Variants in IL12RB1 observed in about 807,000 individuals in gnomAD.
IL12RB1 encodes interleukin-12 receptor subunit beta-1.
A neutral mutation model predicts 94.4 loss-of-function variants in IL12RB1; 64 were observed. The observed-to-expected ratio is 0.68, with a 90% CI of 0.55 to 0.83. The LOEUF is 0.83. Among genes scored for constraint, IL12RB1 ranks in the 40% least tolerant of loss-of-function variants. The probability of loss-of-function intolerance (pLI) is 0.00; values close to 1 mark genes in which losing one functional copy is unlikely to be tolerated. For synonymous variants in IL12RB1, 362 were observed against 355.5 expected (o/e 1.02, Z -0.21); for missense variants, 814 against 855.6 (o/e 0.95, Z 0.61).
intron 1 of IL12RB1, among the ~76,000 whole-genome samples, chr19:18,097,992 G>C (rs1355405154): frequency 6.6e-6 from 1 of 152,156 alleles, no homozygotes; most frequent in Non-Finnish European, 1.5e-5. Context: ...GCTTCTCAAA[G>C]TGCTTTTTCT....
Position 18,061,132 on chromosome 19 carries a change from C to A in IL12RB1, c.1781G>T (p.Gly594Val), listed in dbSNP as rs370238890. 3 of 1,584,788 alleles carry A rather than the reference C, an allele frequency of 1.9e-6. No individual in the cohort carries two copies. Among genetic ancestry groups the A allele is most frequent in the East Asian group, 4.5e-5 (2 of 44,498 alleles). The change falls in exon 15 of 17, where the codon GGA becomes GTA. Residue 594 changes from glycine to valine, a missense_variant. Physicochemically the swap from Gly to Val is moderately radical, Grantham distance 109. Coordinates refer to ENST00000593993, the MANE Select transcript of IL12RB1 (RefSeq NM_005535.3). Reference protein sequence around the residue: ...PCASSAIEFPGGKETWQWINP... With the variant: ...PCASSAIEFPVGKETWQWINP... ...AAAAGGCATCCTTACCTCCTTCCCT[C>A]CAGGGAACTCAATGGCGGAGCTGGC...
At chr19:18,062,386 C>T in intron 13 of IL12RB1, 109 bp from the exon 14 acceptor site, 1 of 648,244 alleles carries the variant, frequency 1.5e-6, no homozygotes, top group Non-Finnish European at 2.7e-6. Flanking sequence ...TCCTGGTGCA[C>T]ATGCCACGGG....
At chr19:18,067,988 G>A (rs2034712959) in intron 11 of IL12RB1, among the ~76,000 whole-genome samples, 2 of 146,844 alleles carry the variant, frequency 1.4e-5, no homozygotes, top group South Asian at 2.2e-4. Flanking sequence ...ACAGGGGTGA[G>A]CCATTCTGTC....
At chr19:18,080,038 C>A (rs1179035385) in intron 4 of IL12RB1, among the ~76,000 whole-genome samples, 1 of 151,886 alleles carries the variant, frequency 6.6e-6, no homozygotes, top group Admixed American at 6.6e-5. Flanking sequence ...TTCCTTCATT[C>A]TTTTCTTTTC....
At position 18,075,769 on chromosome 19, in the gene IL12RB1, C is replaced by T; in HGVS notation, c.680G>A (p.Ser227Asn). Residue 227 changes from serine to asparagine, a missense_variant, in exon 7 of 17, where the codon AGC becomes AAC. Ser to Asn is a conservative substitution (Grantham distance 46, BLOSUM62 1). Transcript: ENST00000593993. ...SQGSSWSKWS[S>N]PVCVPPENPP... is the part of the protein sequence containing the mutation. The stretch of plus-strand genomic sequence containing the variant: ...CTTACCAGGGGGAACGCACACGGGG[C>T]TGCTCCACTTGCTCCAGGAACTTCC... The T allele has an allele frequency of 6.2e-7, 1 of 1,612,858 alleles. No individual in the cohort carries two copies. Among genetic ancestry groups the T allele is most frequent in the South Asian group, 1.1e-5 (1 of 91,048 alleles).
chr19:18,067,093 G>A (rs1288897388), intron 11 of IL12RB1, among the ~76,000 whole-genome samples: 1 of 150,946 alleles, frequency 6.6e-6, no homozygotes, highest in African/African-American at 2.4e-5. Context: ...GGAGGCCAAG[G>A]TGGGTAGATC....
chr19:18,073,681 C>G (rs915720332), intron 7 of IL12RB1, 82 bp from the exon 8 acceptor site: 3 of 888,248 alleles, frequency 3.4e-6, no homozygotes, highest in East Asian at 2.5e-5. Context: ...GATGGATTCT[C>G]CACATTTACA....
At chr19:18,095,426 A>G (rs1334941386) in intron 1 of IL12RB1, among the ~76,000 whole-genome samples, 3 of 152,234 alleles carry the variant, frequency 2.0e-5, no homozygotes, top group Non-Finnish European at 2.9e-5. Flanking sequence ...AGCCAGACAC[A>G]TAAGGCCACA....
At position 18,069,658 on chromosome 19, in the gene IL12RB1, T is replaced by C; in HGVS notation, c.1077A>G (p.Pro359=). The change falls in exon 10 of 17, where the codon CCA becomes CCG. Residue 359 remains proline, a synonymous_variant. Transcript: ENST00000593993. ...VGTNGTTMYW[P]ARAQSMTYCI... is the part of the protein sequence containing the mutation. ...AATACGTCATGCTCTGAGCCCGGGC[T>C]GGCCAATACATGGTGGTCCCGTTGG... The C allele has an allele frequency of 1.2e-6, 2 of 1,611,924 alleles. No homozygotes were observed. Among genetic ancestry groups the C allele is most frequent in the Non-Finnish European group, 1.7e-6 (2 of 1,178,270 alleles).
intron 14 of IL12RB1, among the ~76,000 whole-genome samples, 178 bp from the exon 15 acceptor site, chr19:18,061,375 CG>C (rs1040277890): frequency 1.3e-5 from 2 of 152,042 alleles, no homozygotes; most frequent in Admixed American, 6.6e-5. Context: ...AGATTACAAA[CG>C]TGTGCCACCA....
intron 13 of IL12RB1, among the ~76,000 whole-genome samples, chr19:18,062,974 G>C (rs1269823766): frequency 1.4e-5 from 2 of 145,234 alleles, no homozygotes; most frequent in African/African-American, 5.3e-5. Flanking sequence ...CCATGCACCC[G>C]ACAACAGAGC....
upstream of IL12RB1, among the ~76,000 whole-genome samples, chr19:18,088,875 C>G (rs1376087177): frequency 6.6e-6 from 1 of 151,950 alleles, no homozygotes; most frequent in Non-Finnish European, 1.5e-5. Context: ...ACTAAAAATA[C>G]AAAAATTTGC....
upstream of IL12RB1, among the ~76,000 whole-genome samples, chr19:18,089,981 C>CCCAGG (rs2036560979): frequency 6.6e-6 from 1 of 152,130 alleles, no homozygotes; most frequent in East Asian, 1.9e-4. Flanking sequence ...GGCCCCGGGG[C>CCCAGG]CCAGGCCAGG....
chr19:18,088,131 T>C (rs2036456187), upstream of IL12RB1, among the ~76,000 whole-genome samples: 1 of 151,954 alleles, frequency 6.6e-6, no homozygotes, highest in African/African-American at 2.4e-5. Context: ...CTCACGCCTG[T>C]AATCCCAGTA....
chr19:18,083,333 C>T, intron 2 of IL12RB1, 99 bp downstream of exon 2: 1 of 1,134,668 alleles, frequency 8.8e-7, no homozygotes, highest in African/African-American at 1.5e-5. Flanking sequence ...AGGGCTGGGT[C>T]TTTGGCCTGG....
chr19:18,085,182 A>G (rs889462180), intron 1 of IL12RB1, among the ~76,000 whole-genome samples: 1 of 152,074 alleles, frequency 6.6e-6, no homozygotes, highest in Non-Finnish European at 1.5e-5. Flanking sequence ...CACAAGAAGG[A>G]CCTGTCCTGA....
At chr19:18,089,597 C>T (rs2036541351), upstream of IL12RB1, among the ~76,000 whole-genome samples, 1 of 150,128 alleles carries the variant, frequency 6.7e-6, no homozygotes, top group Non-Finnish European at 1.5e-5. Flanking sequence ...TGCACTCCCA[C>T]CTGGGTGAGA....
At chr19:18,086,952 A>T (rs768925299), upstream of IL12RB1, 10 of 1,543,010 alleles carry the variant, frequency 6.5e-6, no homozygotes, top group South Asian at 8.4e-5. Flanking sequence ...AAGAAAAAAG[A>T]AAAAAAGTAA....
chr19:18,063,738 T>A, intron 13 of IL12RB1, 138 bp downstream of exon 13: 1 of 747,882 alleles, frequency 1.3e-6, no homozygotes. Context: ...TGGGAGCAGT[T>A]TGAGCTGCTA....
Sources: gnomAD v4.1 joint callset for allele counts (sites outside exome capture counted in the v4.1 genomes callset) on GRCh38, gnomAD v4.1.1 for gene constraint, MANE v1.5 for transcripts, NCBI Gene and HGNC (gene_info 2026-07-23, HGNC 2026-07-21) for gene names.